The following PRKAR2A variants were observed in gnomAD, a reference collection of about 807,000 sequenced individuals.
The protein encoded by PRKAR2A is cAMP-dependent protein kinase type II-alpha regulatory subunit.
Under a neutral mutation model 51.9 loss-of-function variants are expected in PRKAR2A, and 29 were observed. The ratio of observed to expected loss-of-function variants is 0.56; its 90% CI spans 0.42 to 0.76. The LOEUF (loss-of-function observed/expected upper bound fraction) is 0.76, where lower values mean the gene tolerates loss of function less well. Ranked by LOEUF, PRKAR2A falls within the 30% of genes least tolerant of loss-of-function variation. The pLI is 0.00. For missense variants in PRKAR2A, 445 were observed against 512.1 expected, an observed-to-expected ratio of 0.87 and a Z score of 1.26; for synonymous variants, 178 against 186.2, an observed-to-expected ratio of 0.96 and a Z score of 0.36.
At chr3:48,814,218 A>T (rs371351183) in intron 1 of PRKAR2A, among the ~76,000 whole-genome samples, 2 of 152,050 alleles carry the variant, frequency 1.3e-5, no homozygotes, top group East Asian at 3.9e-4. Context: ...ACTGCACTCC[A>T]GTCTGGCGAC....
At chr3:48,778,349 T>C (rs2082136746) in intron 5 of PRKAR2A, among the ~76,000 whole-genome samples, 1 of 151,982 alleles carries the variant, frequency 6.6e-6, no homozygotes, top group African/African-American at 2.4e-5. Context: ...TGAGACAGGG[T>C]CTCACTTTGT....
intron 1 of PRKAR2A, among the ~76,000 whole-genome samples, chr3:48,821,092 T>C (rs1480260059): frequency 6.6e-6 from 1 of 152,168 alleles, no homozygotes; most frequent in Admixed American, 6.5e-5. Flanking sequence ...AAGGGTGGAA[T>C]GATTAGTCCA....
At chr3:48,843,926 G>A (rs2107472438) in intron 1 of PRKAR2A, among the ~76,000 whole-genome samples, 1 of 150,614 alleles carries the variant, frequency 6.6e-6, no homozygotes, top group South Asian at 2.1e-4. Context: ...ATAGGCATGG[G>A]CAAGGACTTC....
chr3:48,839,283 C>T (rs1193708312), intron 1 of PRKAR2A, among the ~76,000 whole-genome samples: 2 of 148,438 alleles, frequency 1.3e-5, no homozygotes, highest in East Asian at 2.0e-4. Flanking sequence ...AGCAAAATTC[C>T]GTCTAAAAAA....
At chr3:48,756,329 AAT>A (rs2081763248) in intron 9 of PRKAR2A, 48 bp downstream of exon 9, 5 of 1,493,324 alleles carry the variant, frequency 3.3e-6, no homozygotes, top group African/African-American at 1.4e-5. Flanking sequence ...ATTTAAAACA[AAT>A]AGTTACTTTT....
chr3:48,830,663 T>C (rs977552927), intron 1 of PRKAR2A, among the ~76,000 whole-genome samples: 13 of 152,188 alleles, frequency 8.5e-5, no homozygotes, highest in African/African-American at 3.1e-4. Context: ...ATGATTCAAG[T>C]GCATCACATT....
At chr3:48,779,703 C>T (rs1005889084) in intron 5 of PRKAR2A, among the ~76,000 whole-genome samples, 6 of 150,776 alleles carry the variant, frequency 4.0e-5, no homozygotes, top group African/African-American at 7.3e-5. Flanking sequence ...TCGCTTGAAC[C>T]CGGGAGGCGG....
chr3:48,827,772 C>T (rs1246187625), intron 1 of PRKAR2A, among the ~76,000 whole-genome samples: 1 of 152,190 alleles, frequency 6.6e-6, no homozygotes, highest in African/African-American at 2.4e-5. Flanking sequence ...ACTTTATAAA[C>T]ACTGTATCCT....
At chr3:48,806,389 C>T (rs1019171599) in intron 2 of PRKAR2A, among the ~76,000 whole-genome samples, 2 of 151,920 alleles carry the variant, frequency 1.3e-5, no homozygotes, top group Non-Finnish European at 2.9e-5. Context: ...CCAGAGTTAT[C>T]AAAAAGTCAA....
intron 8 of PRKAR2A, among the ~76,000 whole-genome samples, chr3:48,764,071 G>C (rs1011511030): frequency 6.6e-6 from 1 of 152,070 alleles, no homozygotes; most frequent in Non-Finnish European, 1.5e-5. Context: ...TTTCCTCCTC[G>C]TAGTCTCAGT....
intron 1 of PRKAR2A, 123 bp from the exon 2 acceptor site, chr3:48,807,807 TCATA>T: frequency 2.8e-6 from 2 of 722,396 alleles, no homozygotes; most frequent in Non-Finnish European, 5.0e-6. Flanking sequence ...GTGGGTCAGT[TCATA>T]GTCTTCCACA....
At chr3:48,818,960 AT>A (rs1214975707) in intron 1 of PRKAR2A, among the ~76,000 whole-genome samples, 2 of 150,254 alleles carry the variant, frequency 1.3e-5, no homozygotes, top group Non-Finnish European at 3.0e-5. Context: ...GCAGTTTCAC[AT>A]TTTTTTTCAC....
chr3:48,836,497 G>A (rs764309583), intron 1 of PRKAR2A, among the ~76,000 whole-genome samples: 1 of 134,026 alleles, frequency 7.5e-6, no homozygotes, highest in Non-Finnish European at 1.6e-5. Flanking sequence ...AACTCAAAAT[G>A]TACCAAAGAC....
chr3:48,833,580 C>T (rs1220376585), intron 1 of PRKAR2A, among the ~76,000 whole-genome samples: 1 of 150,450 alleles, frequency 6.6e-6, no homozygotes, highest in African/African-American at 2.4e-5. Context: ...TGGTGTCAGG[C>T]ACCTGTGTAA....
At chr3:48,779,041 G>C (rs554250985) in intron 5 of PRKAR2A, among the ~76,000 whole-genome samples, 30 of 151,848 alleles carry the variant, frequency 2.0e-4, no homozygotes, top group African/African-American at 6.3e-4. Flanking sequence ...TGGCCAGGCT[G>C]GTCTCAAACT....
chr3:48,778,476 C>A (rs940701040), intron 5 of PRKAR2A, among the ~76,000 whole-genome samples: 1 of 152,054 alleles, frequency 6.6e-6, no homozygotes, highest in Non-Finnish European at 1.5e-5. Flanking sequence ...CATGCGCCAC[C>A]ATGCCTGGCA....
chr3:48,772,184 A>G (rs758495225), intron 6 of PRKAR2A, among the ~76,000 whole-genome samples: 1 of 152,198 alleles, frequency 6.6e-6, no homozygotes, highest in Non-Finnish European at 1.5e-5. Context: ...AAGTGAGAAC[A>G]CTAGCATGGA....
intron 3 of PRKAR2A, among the ~76,000 whole-genome samples, chr3:48,792,565 G>A (rs558159885): frequency 6.9e-4 from 100 of 145,728 alleles, no homozygotes; most frequent in African/African-American, 2.4e-3. Context: ...AGGTTCAAGC[G>A]ATTCTCCTGC....
intron 2 of PRKAR2A, among the ~76,000 whole-genome samples, chr3:48,802,564 C>A (rs1339029322): frequency 6.6e-6 from 1 of 152,094 alleles, no homozygotes; most frequent in South Asian, 2.1e-4. Flanking sequence ...ATTAGCCAGG[C>A]ATGGTGGCGC....
Sources: allele counts gnomAD v4.1 joint callset (sites outside exome capture counted in the v4.1 genomes callset), GRCh38; gene constraint gnomAD v4.1.1; transcripts MANE v1.5; gene names NCBI Gene and HGNC (gene_info 2026-07-23, HGNC 2026-07-21).